PHACTR1: variants seen among roughly 807,000 people sequenced by gnomAD.
PHACTR1 encodes RPEL repeat containing 1.
Under a neutral mutation model 69.2 loss-of-function variants are expected in PHACTR1, and 16 were observed. That is an observed-to-expected ratio of 0.23 (90% CI 0.16 to 0.35). The LOEUF (loss-of-function observed/expected upper bound fraction) is 0.35. Among genes scored for constraint, PHACTR1 ranks in the 10% least tolerant of loss-of-function variants. PHACTR1 has a pLI of 1.00. For missense variants in PHACTR1, 510 were observed against 734.7 expected, an observed-to-expected ratio of 0.69 and a Z score of 3.54; for synonymous variants, 312 against 284.5, an observed-to-expected ratio of 1.10 and a Z score of -0.97.
intron 4 of PHACTR1, among the ~76,000 whole-genome samples, chr6:12,798,387 G>A (rs1013383883): frequency 6.6e-6 from 1 of 152,168 alleles, no homozygotes; most frequent in Admixed American, 6.6e-5. Context: ...GCATGAGATG[G>A]TAGGAGAAAC....
rs771101727 is a variant in PHACTR1, at chr6:12,902,594, A to G, written c.251-150771A>G. Among the ~76,000 whole-genome samples, 153 of 152,126 alleles carry G rather than the reference A, an allele frequency of 1.0e-3. 1 individual carries two copies. The highest frequency in any genetic ancestry group is 1.1e-3 in the Non-Finnish European group (75 of 67,998). The stretch of plus-strand genomic sequence containing the variant: ...CCATCAACAAACAGTGTCCCAGTTC[A>G]TCTCTGTGGTATCACTTTTCTCCAC... On this transcript the variant is annotated intron_variant, in intron 4 of 14. Coordinates refer to ENST00000332995, the MANE Select transcript of PHACTR1 (RefSeq NM_030948.6).
intron 4 of PHACTR1, among the ~76,000 whole-genome samples, chr6:12,854,476 C>T (rs1026809032): frequency 1.3e-5 from 2 of 152,114 alleles, no homozygotes; most frequent in Non-Finnish European, 2.9e-5. Context: ...TGTTGTGTAC[C>T]TAAGGAAATA....
intron 4 of PHACTR1, among the ~76,000 whole-genome samples, chr6:12,897,875 C>A (rs1490145452): frequency 1.3e-5 from 2 of 152,094 alleles, no homozygotes; most frequent in Admixed American, 1.3e-4. Flanking sequence ...TTCCCTCACC[C>A]TCCAACAGGC....
chr6:12,753,970 A>ATATTTT (rs1490045072), intron 4 of PHACTR1, among the ~76,000 whole-genome samples: 30 of 134,502 alleles, frequency 2.2e-4, no homozygotes, highest in African/African-American at 8.1e-4. Context: ...ATATATATAT[A>ATATTTT]TTTTTTTTTT....
intron 4 of PHACTR1, among the ~76,000 whole-genome samples, chr6:13,016,632 G>A (rs1365681343): frequency 7.0e-6 from 1 of 142,360 alleles, no homozygotes; most frequent in Non-Finnish European, 1.5e-5. Flanking sequence ...TTACTCAAGA[G>A]TTTTTTTTTT....
intron 5 of PHACTR1, among the ~76,000 whole-genome samples, chr6:13,148,564 C>G (rs1449343396): frequency 6.6e-6 from 1 of 152,120 alleles, no homozygotes; most frequent in East Asian, 1.9e-4. Context: ...GAAAATGAGG[C>G]TGTTTCCTTC....
intron 7 of PHACTR1, among the ~76,000 whole-genome samples, chr6:13,196,138 G>T (rs936443135): frequency 6.6e-6 from 1 of 152,168 alleles, no homozygotes; most frequent in African/African-American, 2.4e-5. Context: ...TTCCCAGCAG[G>T]AGCAGCCACC....
intron 7 of PHACTR1, among the ~76,000 whole-genome samples, chr6:13,190,196 G>GTTTTT (rs1220683843): frequency 9.4e-5 from 3 of 31,850 alleles, no homozygotes; most frequent in East Asian, 1.0e-3. Context: ...GCTAATTTTT[G>GTTTTT]TATTTTTTTT....
At position 12,834,820 on chromosome 6, in the gene PHACTR1, T is replaced by C. The variant is rs532304233; in HGVS notation, c.250+85030T>C. On this transcript the variant is annotated intron_variant, in intron 4 of 14. Transcript: ENST00000332995. ...TATTCTGCTTAAATATGCATATGGA[T>C]TGATTCAAGTGACTAGTTTTTGATA... Among the ~76,000 whole-genome samples the C allele has an allele frequency of 2.0e-5, 3 of 152,276 alleles. No homozygotes were observed. The South Asian group carries it at 6.2e-4, about 32-fold the overall frequency.
At chr6:13,175,154 A>G (rs1258969387) in intron 6 of PHACTR1, among the ~76,000 whole-genome samples, 1 of 152,370 alleles carries the variant, frequency 6.6e-6, no homozygotes, top group Admixed American at 6.5e-5. Flanking sequence ...TTAGCCAACA[A>G]TAAAGCAGAA....
intron 4 of PHACTR1, among the ~76,000 whole-genome samples, chr6:12,905,642 A>G (rs534233989): frequency 1.5e-3 from 226 of 152,328 alleles, no homozygotes; most frequent in Non-Finnish European, 2.7e-3. Context: ...GCACATCCAG[A>G]GAAGGTGATG....
intron 5 of PHACTR1, among the ~76,000 whole-genome samples, chr6:13,111,198 C>T (rs535007049): frequency 4.0e-4 from 61 of 152,236 alleles, no homozygotes; most frequent in Non-Finnish European, 6.0e-4. Flanking sequence ...ACCATATTGC[C>T]GTCTAGATAG....
intron 4 of PHACTR1, among the ~76,000 whole-genome samples, chr6:12,782,965 A>G (rs1771023399): frequency 6.6e-6 from 1 of 152,256 alleles, no homozygotes; most frequent in African/African-American, 2.4e-5. Context: ...CCTGGACTCA[A>G]ACATTTACCA....
chr6:12,926,875 C>G (rs1285186241), intron 4 of PHACTR1, among the ~76,000 whole-genome samples: 1 of 151,204 alleles, frequency 6.6e-6, no homozygotes, highest in East Asian at 1.9e-4. Flanking sequence ...ATGCGCTGGT[C>G]CTGGTCCTGC....
At chr6:13,012,894 T>C (rs1021771388) in intron 4 of PHACTR1, among the ~76,000 whole-genome samples, 8 of 152,150 alleles carry the variant, frequency 5.3e-5, no homozygotes, top group African/African-American at 1.9e-4. Context: ...TTCTGCATGG[T>C]TTGTTAAAGG....
intron 5 of PHACTR1, among the ~76,000 whole-genome samples, chr6:13,129,443 T>G (rs1014609846): frequency 2.0e-5 from 3 of 152,026 alleles, no homozygotes; most frequent in Admixed American, 6.5e-5. Context: ...TTATGTAAAC[T>G]TAAGGTAAAG....
Position 13,227,892 on chromosome 6 carries a change from G to A in PHACTR1, c.1063G>A (p.Gly355Arg). The A allele has an allele frequency of 1.2e-6, 2 of 1,613,984 alleles. No individual in the cohort carries two copies. The highest frequency in any genetic ancestry group is 1.7e-6 in the Non-Finnish European group (2 of 1,179,902). The change falls in exon 9 of 15, where the codon GGA becomes AGA. Residue 355 changes from glycine to arginine, a missense_variant. This residue lies in a region of PHACTR1 where 419 missense variants were observed against 530.9 expected (regional missense o/e 0.79). Transcript: ENST00000332995. The stretch of plus-strand genomic sequence containing the variant: ...CTCGGGTGATGGGGTCACCAAAGCA[G>A]GACCTATGGGCCTTCCAGAAATAAG... Reference protein sequence around the residue: ...LHSGDGVTKAGPMGLPEIRQV... With the variant: ...LHSGDGVTKARPMGLPEIRQV...
intron 4 of PHACTR1, among the ~76,000 whole-genome samples, chr6:12,786,560 G>C (rs1581742542): frequency 6.6e-6 from 1 of 152,184 alleles, no homozygotes. Context: ...CTTCAGGTTT[G>C]CTTGTAATCA....
chr6:13,053,630 G>GA (rs1806327530), intron 5 of PHACTR1, 101 bp downstream of exon 5: 1 of 1,362,990 alleles, frequency 7.3e-7, no homozygotes, highest in Non-Finnish European at 9.8e-7. Context: ...AACCAAAGGA[G>GA]AAAAAATATC....
Sources: allele counts gnomAD v4.1 joint callset (sites outside exome capture counted in the v4.1 genomes callset), GRCh38; gene constraint gnomAD v4.1.1; regional missense constraint gnomAD v4.1.1; transcripts MANE v1.5; gene names NCBI Gene and HGNC (gene_info 2026-07-23, HGNC 2026-07-21).